Variants in MORC2 observed in about 807,000 individuals in gnomAD.
MORC2 encodes the protein ATPase MORC2.
MORC2 carries 30 observed loss-of-function variants against 136.0 expected under a neutral mutation model. That is an observed-to-expected ratio of 0.22 (90% CI 0.17 to 0.30). MORC2 has a LOEUF of 0.30. MORC2 is among the 10% of genes least tolerant of loss of function. The pLI is 1.00. For synonymous variants in MORC2, 439 were observed against 487.0 expected, an observed-to-expected ratio of 0.90 and a Z score of 1.30; for missense variants, 922 against 1,333.1, an observed-to-expected ratio of 0.69 and a Z score of 4.80.
intron 1 of MORC2, among the ~76,000 whole-genome samples, chr22:30,961,951 T>C (rs1204929888): frequency 6.6e-6 from 1 of 151,984 alleles, no homozygotes; most frequent in East Asian, 1.9e-4. Flanking sequence ...AACCCAGCAC[T>C]TTGGGAGGCC....
At chr22:30,949,959 C>G (rs1164137273) in intron 4 of MORC2, 117 bp from the exon 5 acceptor site, 2 of 883,186 alleles carry the variant, frequency 2.3e-6, no homozygotes, top group Non-Finnish European at 3.5e-6. Context: ...CTGAAAACCT[C>G]TCTCCAAGGA....
chr22:30,962,892 G>A (rs971447470), intron 1 of MORC2, among the ~76,000 whole-genome samples: 3 of 152,054 alleles, frequency 2.0e-5, no homozygotes, highest in Non-Finnish European at 2.9e-5. Flanking sequence ...TATACCAACT[G>A]CACAAATTCT....
rs750449427 is a variant in MORC2, at chr22:30,926,776, G to A, written c.*27C>T. The A allele has an allele frequency of 5.6e-6, 9 of 1,602,274 alleles. No homozygotes were observed. Among genetic ancestry groups the A allele is most frequent in the African/African-American group, 1.3e-5 (1 of 74,706 alleles). ...AGCTACAGGGTTGAGGGGCAGGTGG[G>A]CAGGGGAGCTGCTCTCTCTCCTGCC... On this transcript the variant is annotated 3_prime_UTR_variant, in exon 26 of 26. Transcript: ENST00000397641.
rs770823800 is a variant in MORC2 at position 30,937,829 on chromosome 22, T to C, written c.1355A>G (p.Lys452Arg). 3.7e-6 allele frequency: 6 copies of C among 1,614,136 alleles called. No homozygotes were observed. The highest frequency in any genetic ancestry group is 4.2e-6 in the Non-Finnish European group (5 of 1,180,036). Residue 452 changes from lysine to arginine, a missense_variant, in exon 14 of 26, where the codon AAG becomes AGG. Physicochemically the swap from Lys to Arg is conservative, Grantham distance 26. Around this residue, in one of 9 missense-constraint regions of MORC2, gnomAD observed 119 missense variants for 202.7 expected, o/e 0.59. Coordinates refer to ENST00000397641, the MANE Select transcript of MORC2 (RefSeq NM_001303256.3). The surrounding 1 kb of genome is among the most constrained non-coding windows in gnomAD (Gnocchi z 4.7). ...AMGEHLAQYW[K>R]DIAIAQRGII... Reference sequence around the variant, plus strand: ...AGCCCCATTACCGATGGCAATATCCTTCCAATACTGCGCCAGGTGCTCCCC... The same window carrying C: ...AGCCCCATTACCGATGGCAATATCCCTCCAATACTGCGCCAGGTGCTCCCC...
Position 30,935,271 on chromosome 22 carries a change from C to T in MORC2, c.1789G>A (p.Val597Met). Reference protein sequence around the residue: ...QADLKKLPLEVTTRPSTEEPV... With the variant: ...QADLKKLPLEMTTRPSTEEPV... ...ACCTCAGTGGAAGGTCTGGTGGTCA[C>T]TTCCAAGGGCAATTTCTTCAGGTCT... Residue 597 changes from valine to methionine, a missense_variant, in exon 18 of 26, where the codon GTG becomes ATG. This residue lies in a region of MORC2 where 184 missense variants were observed against 180.3 expected (regional missense o/e 1.02). Transcript: ENST00000397641. 6.2e-7 allele frequency: 1 copy of T among 1,613,878 alleles called. No homozygotes were observed. The highest frequency in any genetic ancestry group is 8.5e-7 in the Non-Finnish European group (1 of 1,179,946).
At position 30,937,072 on chromosome 22, in the gene MORC2, C is replaced by T. The variant is rs752019829; in HGVS notation, c.1499-35G>A. On this transcript the variant is annotated intron_variant, in intron 15 of 25. Transcript: ENST00000397641. This position sits in a 1 kb window ranked among gnomAD's most constrained non-coding sequence, Gnocchi z 4.7. Reference sequence around the variant, plus strand: ...GCAAAAAAACCCCACATATCAGCCACGCCCACCAACTCTATCTGTAATCCG... The same window carrying T: ...GCAAAAAAACCCCACATATCAGCCATGCCCACCAACTCTATCTGTAATCCG... The T allele has an allele frequency of 1.7e-5, 25 of 1,456,676 alleles. No individual in the cohort carries two copies. Among genetic ancestry groups the T allele is most frequent in the African/African-American group, 1.1e-4 (8 of 71,744 alleles). The allele number at this position is 1,456,676 out of a possible 1,614,324, so 90.2% of individuals were successfully genotyped here. A position where few individuals can be genotyped will look rare whatever the true frequency, so the allele number is the denominator to read the frequency against.
At chr22:30,931,155 C>T (rs1217164319) in intron 24 of MORC2, among the ~76,000 whole-genome samples, 2 of 152,194 alleles carry the variant, frequency 1.3e-5, no homozygotes, top group African/African-American at 2.4e-5. Context: ...CTGCATCTCC[C>T]ATCCACCCAT....
intron 5 of MORC2, among the ~76,000 whole-genome samples, chr22:30,947,700 ACCT>A (rs1475932055): frequency 6.6e-6 from 1 of 151,272 alleles, no homozygotes; most frequent in Non-Finnish European, 1.5e-5. Context: ...TTCACACACC[ACCT>A]CCTCCTCCTT....
intron 3 of MORC2, among the ~76,000 whole-genome samples, chr22:30,951,590 G>T (rs978818212): frequency 3.9e-5 from 6 of 152,206 alleles, no homozygotes; most frequent in Admixed American, 3.9e-4. Context: ...GAGGAAAGAG[G>T]TCTGTGTAAG....
At chr22:30,946,810 T>C (rs143733985) in intron 5 of MORC2, among the ~76,000 whole-genome samples, 3 of 152,300 alleles carry the variant, frequency 2.0e-5, no homozygotes, top group East Asian at 1.9e-4. Context: ...CTTTGAGCTC[T>C]TGGTTCATCC....
intron 9 of MORC2, 112 bp from the exon 10 acceptor site, chr22:30,940,949 G>T: frequency 1.1e-6 from 1 of 901,162 alleles, no homozygotes; most frequent in Non-Finnish European, 1.8e-6. Context: ...TGCTGTCCTG[G>T]CCCCTCATGA....
chr22:30,936,497 C>T lies in MORC2; in HGVS notation c.1737+14G>A. ...ACACAGGCTGGCTTTGCCCACTGAC[C>T]ATGACCCACGTACCTGAAGGGCCTC... On this transcript the variant is annotated intron_variant, in intron 17 of 25. Transcript: ENST00000397641. The T allele has an allele frequency of 6.2e-7, 1 of 1,613,722 alleles. No individual in the cohort carries two copies. Among genetic ancestry groups the T allele is most frequent in the East Asian group, 2.2e-5 (1 of 44,878 alleles).
At position 30,932,318 on chromosome 22, in the gene MORC2, G is replaced by T. The variant is rs1382718534; in HGVS notation, c.2841+41C>A. ...ACAACAAATGCAGGGGCAGGGGTGGGGGAATGAAGAGTGTGGAATCGAAGG... is the reference window on the plus strand; with the variant it reads ...ACAACAAATGCAGGGGCAGGGGTGGTGGAATGAAGAGTGTGGAATCGAAGG... On this transcript the variant is annotated intron_variant, in intron 24 of 25. Coordinates refer to ENST00000397641, the MANE Select transcript of MORC2 (RefSeq NM_001303256.3). This position sits in a 1 kb window ranked among gnomAD's most constrained non-coding sequence, Gnocchi z 4.4. 13 of 1,477,386 alleles carry T rather than the reference G, an allele frequency of 8.8e-6. No homozygotes were observed. The highest frequency in any genetic ancestry group is 1.2e-5 in the Non-Finnish European group (13 of 1,065,146). The allele number at this position is 1,477,386 out of a possible 1,614,324, so 91.5% of individuals were successfully genotyped here.
At chr22:30,965,862 G>A (rs2041120501) in intron 1 of MORC2, among the ~76,000 whole-genome samples, 2 of 152,320 alleles carry the variant, frequency 1.3e-5, no homozygotes, top group South Asian at 4.1e-4. Context: ...TTATAGACAA[G>A]CAAATAGGCT....
intron 2 of MORC2, among the ~76,000 whole-genome samples, chr22:30,957,533 A>G (rs1370717330): frequency 2.6e-5 from 4 of 152,226 alleles, no homozygotes; most frequent in Non-Finnish European, 5.9e-5. Context: ...TATCTAAAAC[A>G]TTTTCAAATA....
intron 2 of MORC2, among the ~76,000 whole-genome samples, 180 bp from the exon 3 acceptor site, chr22:30,956,977 T>C (rs1475635716): frequency 2.0e-5 from 3 of 152,238 alleles, no homozygotes; most frequent in Non-Finnish European, 4.4e-5. Flanking sequence ...TTTCTTTATA[T>C]ATCTGTAAAA....
chr22:30,941,558 C>G lies in MORC2; in HGVS notation c.699G>C (p.Thr233=). The G allele has an allele frequency of 6.2e-7, 1 of 1,612,038 alleles. No homozygotes were observed. Among genetic ancestry groups the G allele is most frequent in the Non-Finnish European group, 8.5e-7 (1 of 1,178,418 alleles). Residue 233 remains threonine (T), a splice_region_variant and synonymous_variant, in exon 9 of 26, where the codon ACG becomes ACC. Coordinates refer to ENST00000397641, the MANE Select transcript of MORC2 (RefSeq NM_001303256.3). The surrounding 1 kb of genome is among the most constrained non-coding windows in gnomAD (Gnocchi z 4.6). ...CACGGAACGAGCGCCGCTCTGGCTTCCTGGAGAGGGCAAAAACAGAGAAGT... is the reference window on the plus strand; with the variant it reads ...CACGGAACGAGCGCCGCTCTGGCTTGCTGGAGAGGGCAAAAACAGAGAAGT... ...IQMAETSPEG[T]KPERRSFRAY...
At chr22:30,950,286 C>A in intron 4 of MORC2, 91 bp downstream of exon 4, 1 of 1,349,750 alleles carries the variant, frequency 7.4e-7, no homozygotes. Context: ...ACATTGGAGG[C>A]AACAGAAAAA....
rs756377214 is a variant in MORC2 at position 30,940,870 on chromosome 22, C to T, written c.825-33G>A. ...GTAGAAAAAGCAAGCTGATGGCCCA[C>T]GCAGCAGTGGGGCAGGTGGCACACC... On this transcript the variant is annotated intron_variant, in intron 9 of 25. Transcript: ENST00000397641. 1.8e-5 allele frequency: 28 copies of T among 1,585,728 alleles called. No individual in the cohort carries two copies. The Middle Eastern group carries it at 5.0e-4, about 28-fold the overall frequency.
Sources: gnomAD v4.1 joint callset for allele counts (sites outside exome capture counted in the v4.1 genomes callset) on GRCh38, gnomAD v4.1.1 for gene constraint, gnomAD v4.1.1 regional missense constraint, Gnocchi (gnomAD v3.1) non-coding constraint, MANE v1.5 for transcripts, NCBI Gene and HGNC (gene_info 2026-07-23, HGNC 2026-07-21) for gene names.